NR2C2: variants seen among roughly 807,000 people sequenced by gnomAD.
NR2C2 encodes the protein Nuclear hormone receptor TR4.
Under a neutral mutation model 62.9 loss-of-function variants are expected in NR2C2, and 6 were observed. The observed-to-expected ratio is 0.10, with a 90% CI of 0.05 to 0.19. The LOEUF is 0.19. Among genes scored for constraint, NR2C2 ranks in the 10% least tolerant of loss-of-function variants. The pLI is 1.00. For missense variants in NR2C2, 479 were observed against 762.7 expected, an observed-to-expected ratio of 0.63 and a Z score of 4.38; for synonymous variants, 272 against 273.8, an observed-to-expected ratio of 0.99 and a Z score of 0.07.
intron 12 of NR2C2, 58 bp downstream of exon 12, chr3:15,038,195 G>C: frequency 6.6e-7 from 1 of 1,514,406 alleles, no homozygotes; most frequent in Non-Finnish European, 8.9e-7. Flanking sequence ...TGATGTTTCT[G>C]AACGTGAACA....
rs909193119 is a variant in NR2C2, at chr3:15,034,691, T to C, written c.1254T>C (p.Leu418=). 21 of 1,613,966 alleles carry C rather than the reference T, an allele frequency of 1.3e-5. No homozygotes were observed. The highest frequency in any genetic ancestry group is 1.7e-5 in the Non-Finnish European group (20 of 1,180,014). Residue 418 remains leucine (L), a synonymous_variant, in exon 11 of 14, where the codon CTT becomes CTC. Transcript: ENST00000425241. ...QALGQDCNTS[L]VRACWNELFT... Reference sequence around the variant, plus strand: ...CTAGGCAGGACTGCAACACCAGCCTTGTGCGGGCCTGCTGGAATGAGCTCT... The same window carrying C: ...CTAGGCAGGACTGCAACACCAGCCTCGTGCGGGCCTGCTGGAATGAGCTCT...
intron 1 of NR2C2, among the ~76,000 whole-genome samples, chr3:14,950,508 G>C (rs771989752): frequency 2.8e-5 from 4 of 144,174 alleles, no homozygotes; most frequent in Non-Finnish European, 6.0e-5. Context: ...TCCTTGACCA[G>C]TGTAGCTTAC....
chr3:14,983,808 G>T (rs559768445), intron 1 of NR2C2, among the ~76,000 whole-genome samples: 6 of 152,182 alleles, frequency 3.9e-5, no homozygotes, highest in African/African-American at 1.2e-4. Flanking sequence ...CTTCTTCAAA[G>T]AATTTGTTCA....
At chr3:14,989,445 A>G (rs2040602759) in intron 1 of NR2C2, among the ~76,000 whole-genome samples, 1 of 152,116 alleles carries the variant, frequency 6.6e-6, no homozygotes, top group African/African-American at 2.4e-5. Context: ...AACACAGTCC[A>G]TATATTCTTG....
chr3:15,000,826 T>A (rs1431100718), intron 1 of NR2C2, among the ~76,000 whole-genome samples: 3 of 150,768 alleles, frequency 2.0e-5, no homozygotes, highest in Non-Finnish European at 3.0e-5. Flanking sequence ...TTTTTTTTTT[T>A]TTTTTTTTGA....
intron 1 of NR2C2, among the ~76,000 whole-genome samples, chr3:14,976,724 G>A (rs1381923396): frequency 6.7e-6 from 1 of 149,964 alleles, no homozygotes; most frequent in Non-Finnish European, 1.5e-5. Context: ...ACATTACATG[G>A]CTAATTGATA....
intron 1 of NR2C2, among the ~76,000 whole-genome samples, chr3:14,969,704 A>G (rs1559535112): frequency 6.6e-6 from 1 of 152,112 alleles, no homozygotes; most frequent in Admixed American, 6.6e-5. Flanking sequence ...TGGCTTTACA[A>G]CCCTTTTCCT....
intron 4 of NR2C2, among the ~76,000 whole-genome samples, chr3:15,017,291 A>G (rs559662929): frequency 1.3e-5 from 2 of 152,122 alleles, no homozygotes; most frequent in South Asian, 2.1e-4. Context: ...AACCCATCCT[A>G]TCCCTTCTCT....
rs1184451246 is a variant in NR2C2 at position 15,003,843 on chromosome 3, C to A, written c.-39-33C>A. 4 of 1,441,534 alleles carry A rather than the reference C, an allele frequency of 2.8e-6. No individual in the cohort carries two copies. The African/African-American group carries it at 5.6e-5, about 20-fold the overall frequency. The allele number at this position is 1,441,534 out of a possible 1,614,324, so 89.3% of individuals were successfully genotyped here. On this transcript the variant is annotated intron_variant, in intron 1 of 13. Transcript: ENST00000425241. The stretch of plus-strand genomic sequence containing the variant: ...GCCACCTCTGGGCATCATTCTGAAC[C>A]CCCTTGTGATCCAGCCCACTTCTCA...
rs2042385337 is a variant in NR2C2 at position 15,044,578 on chromosome 3, T to G, written c.*1570T>G. On this transcript the variant is annotated 3_prime_UTR_variant, in exon 14 of 14. Transcript: ENST00000425241. Reference sequence around the variant, plus strand: ...GGAAGACCCGGTCAATTGCTTTGTCTTTTGCTTTTTAAATAGTCCAGATTA... The same window carrying G: ...GGAAGACCCGGTCAATTGCTTTGTCGTTTGCTTTTTAAATAGTCCAGATTA... 1 of 152,250 alleles carries G rather than the reference T, an allele frequency of 6.6e-6. No homozygotes were observed. Among genetic ancestry groups the G allele is most frequent in the African/African-American group, 2.4e-5 (1 of 41,464 alleles). The allele number at this position is 152,250 out of a possible 1,614,324, so 9.4% of individuals were successfully genotyped here.
chr3:15,020,803 A>C lies in NR2C2; in HGVS notation c.427A>C (p.Arg143=). 2.5e-6 allele frequency: 4 copies of C among 1,614,224 alleles called. No homozygotes were observed. In the South Asian group the frequency reaches 3.3e-5, roughly 13 times the overall value. Residue 143 remains arginine, a synonymous_variant, in exon 5 of 14, where the codon AGG becomes CGG. Transcript: ENST00000425241. ...TGAAGGTTGCAAAGGTTTCTTCAAA[A>C]GGAGTGTGAGGAAAAATTTGACCTA... is the stretch of plus-strand genomic sequence containing the variant. The part of the protein sequence containing the change: ...SCEGCKGFFK[R]SVRKNLTYSC...
At chr3:15,012,226 A>G (rs531312851) in intron 2 of NR2C2, among the ~76,000 whole-genome samples, 127 of 144,266 alleles carry the variant, frequency 8.8e-4, no homozygotes, top group Middle Eastern at 7.4e-3. Context: ...TTGAAGTTCC[A>G]TTTCTTTTTT....
intron 1 of NR2C2, among the ~76,000 whole-genome samples, chr3:14,978,525 T>A (rs1247109551): frequency 6.6e-6 from 1 of 152,234 alleles, no homozygotes; most frequent in Non-Finnish European, 1.5e-5. Flanking sequence ...CCATTGTAAG[T>A]TGAGGACTGT....
At position 15,012,054 on chromosome 3, in the gene NR2C2, A is replaced by T. The variant is rs76114937; in HGVS notation, c.73-1535A>T. Among the ~76,000 whole-genome samples, 743 of 152,296 alleles carry T rather than the reference A, an allele frequency of 4.9e-3. 11 individuals carry two copies. The highest frequency in any genetic ancestry group is 0.017 in the African/African-American group (696 of 41,556). On this transcript the variant is annotated intron_variant, in intron 2 of 13. Coordinates refer to ENST00000425241, the MANE Select transcript of NR2C2 (RefSeq NM_001291694.2). Reference sequence around the variant, plus strand: ...GTTCACGTCCCTATTCCTAGTACCTAGAACAGTGTTTGACTCGTAGTGGGT... The same window carrying T: ...GTTCACGTCCCTATTCCTAGTACCTTGAACAGTGTTTGACTCGTAGTGGGT...
chr3:14,967,558 T>A (rs571535604), intron 1 of NR2C2, among the ~76,000 whole-genome samples: 99 of 152,012 alleles, frequency 6.5e-4, no homozygotes, highest in East Asian at 2.3e-3. Context: ...CATTTTTTTT[T>A]AAAAAAAGGA....
intron 1 of NR2C2, among the ~76,000 whole-genome samples, chr3:14,978,692 G>A (rs1454579045): frequency 6.6e-6 from 1 of 152,152 alleles, no homozygotes; most frequent in African/African-American, 2.4e-5. Flanking sequence ...CAGCATGGGG[G>A]TTGGAGGTTC....
intron 2 of NR2C2, among the ~76,000 whole-genome samples, chr3:15,008,215 TG>T (rs1257269130): frequency 0.012 from 1,647 of 137,260 alleles, 32 homozygotes; most frequent in African/African-American, 0.042. Context: ...TTTTTTTGTT[TG>T]TTTGTTTTTT....
rs779528718 is a variant in NR2C2, at chr3:15,037,157, T to A, written c.1373-843T>A. 5.3e-4 allele frequency among the ~76,000 whole-genome samples: 80 copies of A among 152,162 alleles called. No homozygotes were observed. In the Middle Eastern group the frequency reaches 0.01, roughly 19 times the overall value. ...TACAACATTTTATTGAAGTTAAGAT[T>A]TGTTCACAAATGAGCTTTAGTTTTG... On this transcript the variant is annotated intron_variant, in intron 11 of 13. Transcript: ENST00000425241.
intron 1 of NR2C2, among the ~76,000 whole-genome samples, chr3:14,975,660 G>A (rs890569579): frequency 6.6e-6 from 1 of 152,102 alleles, no homozygotes; most frequent in African/African-American, 2.4e-5. Flanking sequence ...ACAGGGAAGA[G>A]AATAATTTAT....
Sources: gnomAD v4.1 joint callset for allele counts (sites outside exome capture counted in the v4.1 genomes callset) on GRCh38, gnomAD v4.1.1 for gene constraint, MANE v1.5 for transcripts, NCBI Gene and HGNC (gene_info 2026-07-23, HGNC 2026-07-21) for gene names.